Variants in JAZF1 observed in about 807,000 individuals in gnomAD.
JAZF1 encodes JAZF zinc finger 1.
Under a neutral mutation model 26.4 loss-of-function variants are expected in JAZF1, and 8 were observed. The observed-to-expected ratio is 0.30, with a 90% CI of 0.18 to 0.55. The LOEUF (loss-of-function observed/expected upper bound fraction) is 0.55. JAZF1 is among the 20% of genes least tolerant of loss of function. The pLI is 0.94. For synonymous variants in JAZF1, 126 were observed against 122.3 expected, an observed-to-expected ratio of 1.03 and a Z score of -0.20; for missense variants, 199 against 322.0, an observed-to-expected ratio of 0.62 and a Z score of 2.92.
intron 1 of JAZF1, 110 bp downstream of exon 1, chr7:28,180,353 C>T: frequency 1.4e-6 from 1 of 737,394 alleles, no homozygotes; most frequent in Non-Finnish European, 2.2e-6. Flanking sequence ...CGCGCCCTCC[C>T]CGCCCTGCCG....
chr7:28,098,045 T>C (rs1784412607), intron 1 of JAZF1, among the ~76,000 whole-genome samples: 2 of 152,348 alleles, frequency 1.3e-5, no homozygotes, highest in Non-Finnish European at 2.9e-5. Flanking sequence ...CTTGCTACTA[T>C]GGACTGAATG....
At chr7:28,013,439 GC>G (rs1452459655) in intron 1 of JAZF1, among the ~76,000 whole-genome samples, 1 of 152,150 alleles carries the variant, frequency 6.6e-6, no homozygotes, top group African/African-American at 2.4e-5. Flanking sequence ...TCACCTGGAG[GC>G]CTGTTACAGC....
chr7:28,056,466 AC>A (rs1562572587), intron 1 of JAZF1, among the ~76,000 whole-genome samples: 2,074 of 149,564 alleles, frequency 0.014, 53 homozygotes, highest in African/African-American at 0.046. Flanking sequence ...ACACACACAC[AC>A]ACACACACAA....
intron 1 of JAZF1, among the ~76,000 whole-genome samples, chr7:28,077,298 C>G (rs1784066732): frequency 6.6e-6 from 1 of 152,060 alleles, no homozygotes; most frequent in East Asian, 1.9e-4. Flanking sequence ...GTGATTTTAT[C>G]TTTCTCAAGC....
intron 1 of JAZF1, among the ~76,000 whole-genome samples, chr7:28,008,817 C>G (rs1019256899): frequency 6.6e-6 from 1 of 152,152 alleles, no homozygotes; most frequent in African/African-American, 2.4e-5. Flanking sequence ...GATAGAAAAC[C>G]TTTTGGCTAG....
At chr7:28,176,295 C>A (rs1402426914) in intron 1 of JAZF1, among the ~76,000 whole-genome samples, 1 of 152,228 alleles carries the variant, frequency 6.6e-6, no homozygotes, top group Admixed American at 6.5e-5. Flanking sequence ...TAGTCTGGTA[C>A]GATCACATGA....
chr7:28,036,640 C>A (rs1302636309), intron 1 of JAZF1, among the ~76,000 whole-genome samples: 2 of 152,166 alleles, frequency 1.3e-5, no homozygotes, highest in Non-Finnish European at 2.9e-5. Context: ...GGGGCCTGCC[C>A]CAAATGCCAT....
Position 28,142,969 on chromosome 7 carries a change from G to A in JAZF1, c.115+37494C>T, listed in dbSNP as rs115260550. On this transcript the variant is annotated intron_variant, in intron 1 of 4. Transcript: ENST00000283928. Reference sequence around the variant, plus strand: ...TGGGCATTGTGTTGGAGCAGAAAGAGCATTGTACTGGGAGTCAGGAGAGCT... The same window carrying A: ...TGGGCATTGTGTTGGAGCAGAAAGAACATTGTACTGGGAGTCAGGAGAGCT... Among the ~76,000 whole-genome samples the A allele has an allele frequency of 9.5e-3, 1,440 of 152,312 alleles. 24 individuals carry two copies. The highest frequency in any genetic ancestry group is 0.033 in the African/African-American group (1,387 of 41,562).
chr7:27,878,562 TG>T (rs1328566835), intron 3 of JAZF1, among the ~76,000 whole-genome samples: 1 of 152,254 alleles, frequency 6.6e-6, no homozygotes, highest in Non-Finnish European at 1.5e-5. Flanking sequence ...CATAAATTTC[TG>T]GTTCCCAAAT....
chr7:27,867,947 G>A (rs1783506712), intron 3 of JAZF1, among the ~76,000 whole-genome samples: 1 of 152,148 alleles, frequency 6.6e-6, no homozygotes. Flanking sequence ...TCTTTCGCAG[G>A]ATCTCGCCTG....
intron 3 of JAZF1, among the ~76,000 whole-genome samples, chr7:27,874,395 C>G (rs1406666598): frequency 1.3e-5 from 2 of 152,124 alleles, no homozygotes; most frequent in Admixed American, 1.3e-4. Context: ...TTTGCCACCC[C>G]CTCAGGAACA....
chr7:28,170,910 G>C (rs1783458858), intron 1 of JAZF1, among the ~76,000 whole-genome samples: 3 of 152,130 alleles, frequency 2.0e-5, no homozygotes, highest in Admixed American at 2.0e-4. Context: ...TCTGTGTCCT[G>C]GCTTCCTCCT....
At chr7:27,927,898 C>A (rs1046535649) in intron 2 of JAZF1, among the ~76,000 whole-genome samples, 3 of 151,988 alleles carry the variant, frequency 2.0e-5, no homozygotes, top group African/African-American at 7.3e-5. Context: ...TTTCAGGAAC[C>A]CTATGATGAA....
chr7:28,031,268 A>G (rs1035571233), intron 1 of JAZF1, among the ~76,000 whole-genome samples: 3 of 152,224 alleles, frequency 2.0e-5, no homozygotes, highest in African/African-American at 7.2e-5. Context: ...TATGGGGAAG[A>G]AGGGGCCAGG....
chr7:28,073,600 G>A (rs1784009218), intron 1 of JAZF1, among the ~76,000 whole-genome samples: 1 of 152,178 alleles, frequency 6.6e-6, no homozygotes, highest in Admixed American at 6.5e-5. Flanking sequence ...AACCACTGAG[G>A]CACAGTCTCT....
At position 27,885,243 on chromosome 7, in the gene JAZF1, T is replaced by C. The variant is rs528408695; in HGVS notation, c.385+9977A>G. Among the ~76,000 whole-genome samples, 249 of 152,330 alleles carry C rather than the reference T, an allele frequency of 1.6e-3. 1 individual carries two copies. Among genetic ancestry groups the C allele is most frequent in the African/African-American group, 5.6e-3 (233 of 41,586 alleles). On this transcript the variant is annotated intron_variant, in intron 3 of 4. Transcript: ENST00000283928. Reference sequence around the variant, plus strand: ...AACTGTGATGATGGCTGGGCCTATGTGGGCACATCCTTCAACAAGAAAGGG... The same window carrying C: ...AACTGTGATGATGGCTGGGCCTATGCGGGCACATCCTTCAACAAGAAAGGG...
intron 2 of JAZF1, among the ~76,000 whole-genome samples, chr7:27,974,191 A>G (rs1467660506): frequency 2.0e-5 from 3 of 152,120 alleles, no homozygotes; most frequent in African/African-American, 4.8e-5. Context: ...ACCCACAGAT[A>G]GTGGGGTGGT....
At chr7:28,139,269 T>G (rs1782928789) in intron 1 of JAZF1, among the ~76,000 whole-genome samples, 1 of 152,218 alleles carries the variant, frequency 6.6e-6, no homozygotes, top group Admixed American at 6.5e-5. Context: ...CCTTCTTCTG[T>G]GCATCAGCCA....
intron 1 of JAZF1, among the ~76,000 whole-genome samples, chr7:28,082,780 T>A (rs548006411): frequency 1.3e-5 from 2 of 152,092 alleles, no homozygotes; most frequent in Non-Finnish European, 2.9e-5. Context: ...CCACTTCCAA[T>A]TCCACTCCCA....
Sources: allele counts gnomAD v4.1 joint callset (sites outside exome capture counted in the v4.1 genomes callset), GRCh38; gene constraint gnomAD v4.1.1; transcripts MANE v1.5; gene names NCBI Gene and HGNC (gene_info 2026-07-23, HGNC 2026-07-21).